SHQ1: variants seen among roughly 807,000 people sequenced by gnomAD.
SHQ1 encodes the protein protein SHQ1 homolog.
A neutral mutation model predicts 53.8 loss-of-function variants in SHQ1; 49 were observed. The observed-to-expected ratio is 0.91, with a 90% CI of 0.72 to 1.16. The LOEUF (loss-of-function observed/expected upper bound fraction) is 1.16. SHQ1 is among the 50% of genes most tolerant of loss of function. The pLI is 0.00. For synonymous variants in SHQ1, 243 were observed against 251.0 expected, an observed-to-expected ratio of 0.97 and a Z score of 0.30; for missense variants, 738 against 683.1, an observed-to-expected ratio of 1.08 and a Z score of -0.90.
chr3:72,784,796 C>T (rs1398482852), intron 10 of SHQ1, among the ~76,000 whole-genome samples: 1 of 152,160 alleles, frequency 6.6e-6, no homozygotes, highest in Non-Finnish European at 1.5e-5. Flanking sequence ...AACAGATCCC[C>T]AAAATCACCT....
chr3:72,758,534 T>C (rs557855164), intron 10 of SHQ1, among the ~76,000 whole-genome samples: 16 of 151,912 alleles, frequency 1.1e-4, no homozygotes, highest in African/African-American at 3.9e-4. Context: ...TATATAAATT[T>C]ATTTTTCACA....
intron 2 of SHQ1, among the ~76,000 whole-genome samples, chr3:72,843,063 C>G (rs557997739): frequency 6.8e-6 from 1 of 146,362 alleles, no homozygotes; most frequent in Non-Finnish European, 1.5e-5. Context: ...GGCAACAGAG[C>G]GAGATTCTGT....
chr3:72,808,604 G>A (rs185889483), intron 9 of SHQ1, among the ~76,000 whole-genome samples: 6 of 152,202 alleles, frequency 3.9e-5, no homozygotes, highest in East Asian at 1.9e-4. Context: ...TGAACCTAGC[G>A]CTGGCACACA....
chr3:72,764,011 A>G (rs1457836799), intron 10 of SHQ1, among the ~76,000 whole-genome samples: 2 of 139,876 alleles, frequency 1.4e-5, no homozygotes, highest in African/African-American at 5.8e-5. Flanking sequence ...TTACAAATGG[A>G]AAAAAAAAAA....
At chr3:72,753,349 A>G (rs1402579368) in intron 10 of SHQ1, 1 of 985,308 alleles carries the variant, frequency 1.0e-6, no homozygotes, top group Non-Finnish European at 1.2e-6. Context: ...ATTTCAGTGG[A>G]GCTGATGGTA....
chr3:72,821,145 T>C (rs146848175), intron 6 of SHQ1, among the ~76,000 whole-genome samples: 1 of 152,308 alleles, frequency 6.6e-6, no homozygotes, highest in African/African-American at 2.4e-5. Context: ...ATTCAAACCT[T>C]CAGCCTAAAT....
At chr3:72,726,258 C>T in the SHQ1 span, among the ~76,000 whole-genome samples, 1 of 152,196 alleles carries the variant, frequency 6.6e-6, no homozygotes, top group Admixed American at 6.5e-5. Context: ...CCTGTGACCT[C>T]TCAGCCAGGC....
intron 10 of SHQ1, among the ~76,000 whole-genome samples, chr3:72,772,044 G>A (rs777261847): frequency 7.9e-5 from 12 of 152,184 alleles, no homozygotes; most frequent in Admixed American, 5.9e-4. Flanking sequence ...CGAAAGAGAA[G>A]AGTTTGCAAG....
At chr3:72,757,204 C>T (rs971415647) in intron 10 of SHQ1, among the ~76,000 whole-genome samples, 3 of 152,150 alleles carry the variant, frequency 2.0e-5, no homozygotes, top group Admixed American at 2.0e-4. Flanking sequence ...CCAGGCATGA[C>T]ATACTGAGAC....
At chr3:72,774,688 A>G (rs1482995743) in intron 10 of SHQ1, among the ~76,000 whole-genome samples, 2 of 152,130 alleles carry the variant, frequency 1.3e-5, no homozygotes, top group Non-Finnish European at 2.9e-5. Flanking sequence ...TTTTACATGA[A>G]GAAAGAGTCA....
chr3:72,773,483 TAA>T (rs1363682251), intron 10 of SHQ1: 475 of 153,974 alleles, frequency 3.1e-3, no homozygotes, highest in South Asian at 8.1e-3. Context: ...AAAGACAGCT[TAA>T]AAAAAAAAAA....
chr3:72,730,384 G>C, the SHQ1 span, among the ~76,000 whole-genome samples: 1 of 152,200 alleles, frequency 6.6e-6, no homozygotes, highest in Non-Finnish European at 1.5e-5. Context: ...AAAGTGCTGA[G>C]ATTACAGGCA....
In SHQ1 at chr3:72,793,017, C is replaced by A. The variant is rs1320378142; in HGVS notation, c.1080G>T (p.Lys360Asn). ...ILQLGKSAVLKCLLDIHKIFQ... is the reference protein window; with the variant it reads ...ILQLGKSAVLNCLLDIHKIFQ... Reference sequence around the variant, plus strand: ...AAATTTTGTGAATATCCAGGAGACACTTTAAAACTGCACTTTTACCTAAAG... The same window carrying A: ...AAATTTTGTGAATATCCAGGAGACAATTTAAAACTGCACTTTTACCTAAAG... Residue 360 changes from lysine (K) to asparagine (N), a missense_variant, in exon 10 of 11, where the codon AAG becomes AAT. By Grantham distance (94) the Lys-to-Asn change is moderately conservative. Coordinates refer to ENST00000325599, the MANE Select transcript of SHQ1 (RefSeq NM_018130.3). 6.2e-7 allele frequency: 1 copy of A among 1,606,930 alleles called. No homozygotes were observed. The highest frequency in any genetic ancestry group is 8.5e-7 in the Non-Finnish European group (1 of 1,176,730).
At chr3:72,781,980 A>C (rs2106759766) in intron 10 of SHQ1, among the ~76,000 whole-genome samples, 1 of 152,364 alleles carries the variant, frequency 6.6e-6, no homozygotes, top group East Asian at 1.9e-4. Context: ...CCACAGCAAT[A>C]GAAAATTTAG....
intron 9 of SHQ1, chr3:72,809,694 C>G (rs1265833454): frequency 6.6e-6 from 1 of 152,218 alleles, no homozygotes; most frequent in Non-Finnish European, 1.5e-5. Flanking sequence ...TGCGGTGGCT[C>G]ACACCTGTAA....
At chr3:72,789,747 C>T (rs1171902273) in intron 10 of SHQ1, among the ~76,000 whole-genome samples, 9 of 152,180 alleles carry the variant, frequency 5.9e-5, no homozygotes, top group African/African-American at 2.2e-4. Context: ...AAGAGATACA[C>T]ATCTAGATTC....
At chr3:72,780,446 G>T (rs959077229) in intron 10 of SHQ1, among the ~76,000 whole-genome samples, 1 of 152,156 alleles carries the variant, frequency 6.6e-6, no homozygotes, top group African/African-American at 2.4e-5. Context: ...CTTCTAGTAA[G>T]AACTAAACCC....
the SHQ1 span, among the ~76,000 whole-genome samples, chr3:72,731,350 T>G: frequency 6.6e-6 from 1 of 150,504 alleles, no homozygotes; most frequent in African/African-American, 2.5e-5. Context: ...GAAAAGACAT[T>G]TCCATAAATT....
At chr3:72,765,396 C>CA (rs1173029587) in intron 10 of SHQ1, among the ~76,000 whole-genome samples, 2 of 150,958 alleles carry the variant, frequency 1.3e-5, no homozygotes, top group East Asian at 3.9e-4. Context: ...TGCACTGAAA[C>CA]AGTGCATCAG....
Sources: gnomAD v4.1 joint callset for allele counts (sites outside exome capture counted in the v4.1 genomes callset) on GRCh38, gnomAD v4.1.1 for gene constraint, MANE v1.5 for transcripts, NCBI Gene and HGNC (gene_info 2026-07-23, HGNC 2026-07-21) for gene names.